The following MEGF8 variants were observed in gnomAD, a reference collection of about 807,000 sequenced individuals.
MEGF8 encodes multiple EGF like domains 8.
In MEGF8, 156 loss-of-function variants were observed where a neutral mutation model predicts 302.9. The ratio of observed to expected loss-of-function variants is 0.52; its 90% confidence interval spans 0.45 to 0.59. MEGF8 has a LOEUF of 0.59. MEGF8 is among the 20% of genes least tolerant of loss of function. MEGF8 has a pLI of 0.00. For missense variants in MEGF8, 3,345 were observed against 3,964.5 expected (o/e 0.84, Z 4.20); for synonymous variants, 1,621 against 1,660.5 (o/e 0.98, Z 0.58).
At chr19:42,371,872 C>T (rs1009847047) in intron 41 of MEGF8, among the ~76,000 whole-genome samples, 1 of 151,930 alleles carries the variant, frequency 6.6e-6, no homozygotes, top group Non-Finnish European at 1.5e-5. Context: ...CACTTGAGCC[C>T]GGGGGTTCAA....
chr19:42,331,260 G>C (rs1240785770), intron 1 of MEGF8, among the ~76,000 whole-genome samples: 1 of 152,194 alleles, frequency 6.6e-6, no homozygotes, highest in Non-Finnish European at 1.5e-5. Flanking sequence ...AACTGGCCCA[G>C]GATCACCCAG....
At chr19:42,361,044 G>C (rs543155911) in intron 32 of MEGF8, 38 bp downstream of exon 32, 15 of 1,514,716 alleles carry the variant, frequency 9.9e-6, no homozygotes, top group Non-Finnish European at 3.5e-6. Context: ...GGGGAGTGGA[G>C]CCCTCTAATG....
rs2039786904 is a variant in MEGF8 at position 42,377,686 on chromosome 19, C to G, written c.*911C>G. On this transcript the variant is annotated 3_prime_UTR_variant, in exon 42 of 42. Coordinates refer to ENST00000251268, the MANE Select transcript of MEGF8 (RefSeq NM_001271938.2). Reference sequence around the variant, plus strand: ...CTTGTAGTCCGAGCTACTCGGGAGGCTGAGGCAGAAGAATCGCTTGAACCC... The same window carrying G: ...CTTGTAGTCCGAGCTACTCGGGAGGGTGAGGCAGAAGAATCGCTTGAACCC... 1 of 152,004 alleles carries G rather than the reference C, an allele frequency of 6.6e-6. No individual in the cohort carries two copies. The highest frequency in any genetic ancestry group is 1.5e-5 in the Non-Finnish European group (1 of 68,172). 9.4% of individuals were successfully genotyped at this position (152,004 alleles called of 1,614,324 possible).
intron 32 of MEGF8, 135 bp from the exon 33 acceptor site, chr19:42,361,954 TG>T (rs1185541328): frequency 1.0e-5 from 14 of 1,335,086 alleles, no homozygotes; most frequent in Admixed American, 2.3e-5. Flanking sequence ...CAAATGGTGG[TG>T]GGGACAGCCA....
In MEGF8 at chr19:42,353,674, C is replaced by T. The variant is rs200195292; in HGVS notation, c.3760C>T (p.Arg1254Trp). 55 of 1,575,984 alleles carry T rather than the reference C, an allele frequency of 3.5e-5. No individual in the cohort carries two copies. The highest frequency in any genetic ancestry group is 1.6e-4 in the East Asian group (7 of 43,678). ...CTCCCCAGGCTATTATGGGGATCCC[C>T]GGTGAGCCAACGGGCCAGCCAGGGC... ...LCSPGYYGDP[R>W]AGGSCFRECG... The change falls in exon 21 of 42, where the codon CGG becomes TGG. Residue 1254 changes from arginine to tryptophan, a missense_variant and splice_region_variant. Transcript: ENST00000251268. The surrounding 1 kb of genome is among the most constrained non-coding windows in gnomAD (Gnocchi z 6.1).
In MEGF8 at chr19:42,352,213, T is replaced by A; in HGVS notation, c.3107T>A (p.Leu1036Gln). ...NEDNPTLGRC[L>Q]QGDFSGPLGG... ...TTCACTCTCCCACCCTGCAGGTGCC[T>A]ACAGGGGGACTTCTCAGGGCCCCTC... Residue 1036 changes from leucine to glutamine, a missense_variant, in exon 19 of 42, where the codon CTA becomes CAA. Leu to Gln is a moderately radical substitution (Grantham distance 113). Transcript: ENST00000251268. The surrounding 1 kb of genome is among the most constrained non-coding windows in gnomAD (Gnocchi z 4.4). The A allele has an allele frequency of 6.5e-7, 1 of 1,536,324 alleles. No individual in the cohort carries two copies.
intron 13 of MEGF8, 124 bp downstream of exon 13, chr19:42,348,596 G>T (rs1045683178): frequency 2.0e-6 from 2 of 981,790 alleles, no homozygotes; most frequent in African/African-American, 3.3e-5. Context: ...AGAGGCAGGA[G>T]ATGGATTTTT....
At position 42,356,913 on chromosome 19, in the gene MEGF8, A is replaced by T; in HGVS notation, c.4762A>T (p.Thr1588Ser). The T allele has an allele frequency of 6.2e-7, 1 of 1,610,550 alleles. No homozygotes were observed. The highest frequency in any genetic ancestry group is 1.1e-5 in the South Asian group (1 of 90,068). ...TGCCATGTATCTGCTGGGGGGACTT[A>T]CCGCTGGAGGCGTCACCCGTGATTT... ...RGAMYLLGGL[T>S]AGGVTRDFWV... Residue 1588 changes from threonine to serine, a missense_variant, in exon 27 of 42, where the codon ACC becomes TCC. Transcript: ENST00000251268. The surrounding 1 kb of genome is among the most constrained non-coding windows in gnomAD (Gnocchi z 5.2).
In MEGF8 at chr19:42,362,324, G is replaced by A. The variant is rs367758004; in HGVS notation, c.5845-60G>A. ...ACCCCAGGGTCTCAGGAACCACCGA[G>A]TTCTCAGCTGGCTCAGGAGGGGTGC... On this transcript the variant is annotated intron_variant, in intron 33 of 41. Transcript: ENST00000251268. 26 of 1,611,468 alleles carry A rather than the reference G, an allele frequency of 1.6e-5. No individual in the cohort carries two copies. In the South Asian group the frequency reaches 2.7e-4, roughly 17 times the overall value.
In MEGF8 at chr19:42,356,127, C is replaced by T. The variant is rs762262198; in HGVS notation, c.4437C>T (p.Asp1479=). ...GTGCCGAGGGCTTCGGGGGCCCCGA[C>T]TGCGCCACCAAGCTGGATGGCGGGC... ...CICAEGFGGP[D]CATKLDGGQL... The change falls in exon 25 of 42, where the codon GAC becomes GAT. Residue 1479 remains aspartate (D), a synonymous_variant. Transcript: ENST00000251268. This position sits in a 1 kb window ranked among gnomAD's most constrained non-coding sequence, Gnocchi z 5.2. 15 of 1,582,726 alleles carry T rather than the reference C, an allele frequency of 9.5e-6. No individual in the cohort carries two copies. Among genetic ancestry groups the T allele is most frequent in the Non-Finnish European group, 1.3e-5 (15 of 1,163,314 alleles).
In MEGF8 at chr19:42,335,931, G is replaced by T; in HGVS notation, c.829G>T (p.Ala277Ser). 6.8e-7 allele frequency: 1 copy of T among 1,462,944 alleles called. No homozygotes were observed. Among genetic ancestry groups the T allele is most frequent in the East Asian group, 2.5e-5 (1 of 40,074 alleles). The allele number at this position is 1,462,944 out of a possible 1,614,324, so 90.6% of individuals were successfully genotyped here. ...TCTGTCTCTTTTCTCTTCCTCACAG[G>T]CTGCCCGTCACTCCCATGTGGCCGT... is the stretch of plus-strand genomic sequence containing the variant. ...WESWDLSPAPAARHSHVAVAW... is the reference protein window; with the variant it reads ...WESWDLSPAPSARHSHVAVAW... Residue 277 changes from alanine to serine, a missense_variant and splice_region_variant, in exon 6 of 42, where the codon GCT (alanine) becomes TCT (serine). Coordinates refer to ENST00000251268, the MANE Select transcript of MEGF8 (RefSeq NM_001271938.2).
In MEGF8 at chr19:42,357,570, G is replaced by T; in HGVS notation, c.4997G>T (p.Gly1666Val). The T allele has an allele frequency of 6.2e-7, 1 of 1,607,272 alleles. No homozygotes were observed. ...TGTWVSGAQS[G>V]TPPTGLYGHS... ...ACCTGGGTGTCAGGAGCCCAGAGTG[G>T]GACACCCCCCACAGGTGGGGCTGGG... is the stretch of plus-strand genomic sequence containing the variant. The change falls in exon 28 of 42, where the codon GGG becomes GTG. Residue 1666 changes from glycine (G) to valine (V), a missense_variant. By Grantham distance (109) the Gly-to-Val change is moderately radical. Transcript: ENST00000251268. The surrounding 1 kb of genome is among the most constrained non-coding windows in gnomAD (Gnocchi z 5.2).
chr19:42,326,901 C>T (rs879610296), intron 1 of MEGF8, among the ~76,000 whole-genome samples: 2 of 152,034 alleles, frequency 1.3e-5, no homozygotes, highest in Non-Finnish European at 2.9e-5. Context: ...GACAGAGTCT[C>T]ACCATGTCGC....
intron 1 of MEGF8, among the ~76,000 whole-genome samples, chr19:42,328,772 C>T (rs1041598704): frequency 6.6e-6 from 1 of 152,130 alleles, no homozygotes; most frequent in East Asian, 1.9e-4. Flanking sequence ...CCCCTCTCTA[C>T]TAAAACTACA....
intron 15 of MEGF8, among the ~76,000 whole-genome samples, chr19:42,350,665 C>G (rs1400271965): frequency 3.9e-5 from 6 of 152,166 alleles, no homozygotes; most frequent in Admixed American, 1.3e-4. Flanking sequence ...GGCCTTCAGG[C>G]CTGCCACCTC....
intron 14 of MEGF8, 102 bp downstream of exon 14, chr19:42,349,801 C>T: frequency 2.4e-6 from 3 of 1,272,226 alleles, no homozygotes; most frequent in Non-Finnish European, 3.3e-6. Flanking sequence ...TCCCTAGATT[C>T]TGGCCTCGGA....
In MEGF8 at chr19:42,362,392, C is replaced by G; in HGVS notation, c.5853C>G (p.Thr1951=). Residue 1951 remains threonine, a synonymous_variant, in exon 34 of 42, where the codon ACC becomes ACG. Transcript: ENST00000251268. Reference sequence around the variant, plus strand: ...CTGTCTTCCCTCACCAGGCGTCCACCCCCCGCTGTAAGTGGTGTACCAACT... The same window carrying G: ...CTGTCTTCCCTCACCAGGCGTCCACGCCCCGCTGTAAGTGGTGTACCAACT... ...TLQPGDGEAS[T]PRCKWCTNCP... The G allele has an allele frequency of 6.2e-7, 1 of 1,613,906 alleles. No individual in the cohort carries two copies. Among genetic ancestry groups the G allele is most frequent in the Non-Finnish European group, 8.5e-7 (1 of 1,179,872 alleles).
chr19:42,367,451 G>A (rs1474082699), intron 35 of MEGF8, among the ~76,000 whole-genome samples: 1 of 152,072 alleles, frequency 6.6e-6, no homozygotes, highest in African/African-American at 2.4e-5. Context: ...ACCACGCCTG[G>A]CTAATTTTTT....
chr19:42,334,182 C>G lies in MEGF8; in HGVS notation c.527C>G (p.Ala176Gly), dbSNP rs764246520. 15 of 1,605,688 alleles carry G rather than the reference C, an allele frequency of 9.3e-6. No individual in the cohort carries two copies. The East Asian group carries it at 2.5e-4, about 26-fold the overall frequency. ...GACTGTGGCCTGCAGGAGTGCTCAG[C>G]CTACTGTGGCAGCCACGGCACCTGC... Reference protein sequence around the residue: ...GPDCGLQECSAYCGSHGTCAS... With the variant: ...GPDCGLQECSGYCGSHGTCAS... The change falls in exon 3 of 42, where the codon GCC becomes GGC. Residue 176 changes from alanine to glycine, a missense_variant. Transcript: ENST00000251268.
Sources: gnomAD v4.1 joint callset for allele counts (sites outside exome capture counted in the v4.1 genomes callset) on GRCh38, gnomAD v4.1.1 for gene constraint, Gnocchi (gnomAD v3.1) non-coding constraint, MANE v1.5 for transcripts, NCBI Gene and HGNC (gene_info 2026-07-23, HGNC 2026-07-21) for gene names.